Variants in FHIP2A observed in about 807,000 individuals in gnomAD.
FHIP2A encodes the protein FHF complex subunit HOOK interacting protein 2A.
A neutral mutation model predicts 93.5 loss-of-function variants in FHIP2A; 46 were observed. The ratio of observed to expected loss-of-function variants is 0.49; its 90% CI spans 0.39 to 0.63. The LOEUF is 0.63. Among genes scored for constraint, FHIP2A ranks in the 20% least tolerant of loss-of-function variants. The pLI is 0.00. For synonymous variants in FHIP2A, 332 were observed against 326.5 expected (o/e 1.02, Z -0.18); for missense variants, 769 against 909.7 (o/e 0.85, Z 1.99).
chr10:114,862,312 T>C lies in FHIP2A; in HGVS notation c.*772T>C. 1 of 987,554 alleles carries C rather than the reference T, an allele frequency of 1.0e-6. No homozygotes were observed. The highest frequency in any genetic ancestry group is 1.2e-6 in the Non-Finnish European group (1 of 830,084). 61.2% of individuals were successfully genotyped at this position (987,554 alleles called of 1,614,324 possible). ...CACCATTGGTAGTGTTTGCTAAAAT[T>C]GTATTTTTTTAAGCTAAGTAACATG... On this transcript the variant is annotated 3_prime_UTR_variant, in exon 17 of 17. Coordinates refer to ENST00000369248, the MANE Select transcript of FHIP2A (RefSeq NM_020940.4).
intron 1 of FHIP2A, among the ~76,000 whole-genome samples, chr10:114,822,586 T>TGGTTTTTGGTCTTGG (rs1424923190): frequency 6.6e-6 from 1 of 152,192 alleles, no homozygotes; most frequent in Non-Finnish European, 1.5e-5. Flanking sequence ...GGCTTGGTTC[T>TGGTTTTTGGTCTTGG]GTTTTGTTTT....
Position 114,843,895 on chromosome 10 carries a change from T to C in FHIP2A, c.971T>C (p.Val324Ala), listed in dbSNP as rs1480697843. 1 of 1,592,354 alleles carries C rather than the reference T, an allele frequency of 6.3e-7. No homozygotes were observed. The highest frequency in any genetic ancestry group is 1.9e-5 in the Admixed American group (1 of 52,310). The change falls in exon 7 of 17, where the codon GTG (valine) becomes GCG (alanine). Residue 324 changes from valine to alanine, a missense_variant. Physicochemically the swap from Val to Ala is moderately conservative, Grantham distance 64 (BLOSUM62 0). Coordinates refer to ENST00000369248, the MANE Select transcript of FHIP2A (RefSeq NM_020940.4). ...CTGTACAAGGCCCTACCTCAGTCAG[T>C]GGATCCGTTAGATATTGAAACCGTG... ...ASLYKALPQSVDPLDIETVEA... is the reference protein window; with the variant it reads ...ASLYKALPQSADPLDIETVEA...
rs200713463 is a variant in FHIP2A, at chr10:114,830,903, A to G, written c.97A>G (p.Ile33Val). ...QEDFVYHWKAITHYYIETSDD... is the reference protein window; with the variant it reads ...QEDFVYHWKAVTHYYIETSDD... ...AGATTTTGTTTATCACTGGAAGGCA[A>G]TTACCCATTACTACATAGAGACTTC... The change falls in exon 2 of 17, where the codon ATT (isoleucine) becomes GTT (valine). Residue 33 changes from isoleucine (I) to valine (V), a missense_variant. Coordinates refer to ENST00000369248, the MANE Select transcript of FHIP2A (RefSeq NM_020940.4). 1.9e-6 allele frequency: 3 copies of G among 1,608,268 alleles called. No homozygotes were observed. The highest frequency in any genetic ancestry group is 4.5e-5 in the East Asian group (2 of 44,678).
chr10:114,884,963 T>A (rs1190983942), intron 16 of FHIP2A, among the ~76,000 whole-genome samples: 1 of 151,150 alleles, frequency 6.6e-6, no homozygotes, highest in Non-Finnish European at 1.5e-5. Flanking sequence ...GTATCTGATA[T>A]TCAGGGTAAG....
Position 114,821,966 on chromosome 10 carries a change from C to T in FHIP2A, c.-113C>T. The T allele has an allele frequency of 3.6e-6, 2 of 561,178 alleles. No homozygotes were observed. Among genetic ancestry groups the T allele is most frequent in the South Asian group, 8.0e-5 (1 of 12,466 alleles). The allele number at this position is 561,178 out of a possible 1,614,324, so 34.8% of individuals were successfully genotyped here. On this transcript the variant is annotated 5_prime_UTR_variant, in exon 1 of 17. Coordinates refer to ENST00000369248, the MANE Select transcript of FHIP2A (RefSeq NM_020940.4). Reference sequence around the variant, plus strand: ...CGATCCTCAGCTCGTCCTCCCCGCCCCGCACCGGCCTTCACTCTGGAGCGG... The same window carrying T: ...CGATCCTCAGCTCGTCCTCCCCGCCTCGCACCGGCCTTCACTCTGGAGCGG...
intron 16 of FHIP2A, among the ~76,000 whole-genome samples, chr10:114,872,361 G>A (rs775040903): frequency 6.6e-6 from 1 of 152,172 alleles, no homozygotes; most frequent in Non-Finnish European, 1.5e-5. Context: ...TTTCTCATAA[G>A]AGTCAGGGAA....
chr10:114,880,282 T>C (rs921870036), intron 16 of FHIP2A, among the ~76,000 whole-genome samples: 3 of 152,172 alleles, frequency 2.0e-5, no homozygotes, highest in African/African-American at 7.2e-5. Flanking sequence ...TCTGAAATTA[T>C]AGAGATGGAA....
At position 114,822,091 on chromosome 10, in the gene FHIP2A, T is replaced by G. The variant is rs781106796; in HGVS notation, c.13T>G (p.Phe5Val). The G allele has an allele frequency of 1.0e-5, 14 of 1,341,666 alleles. No homozygotes were observed. Among genetic ancestry groups the G allele is most frequent in the African/African-American group, 1.5e-5 (1 of 66,222 alleles). The allele number at this position is 1,341,666 out of a possible 1,614,324, so 83.1% of individuals were successfully genotyped here. A position where few individuals can be genotyped will look rare whatever the true frequency, so the allele number is the denominator to read the frequency against. Residue 5 changes from phenylalanine (F) to valine (V), a missense_variant, in exon 1 of 17, where the codon TTC (phenylalanine) becomes GTC (valine). Transcript: ENST00000369248. ...GTCCCGGGACAGGATGTTCTCCAAG[T>G]TCACCTCCATCCTGCAGCACGCCGT... is the stretch of plus-strand genomic sequence containing the variant. MFSKFTSILQHAVEA... is the reference protein window; with the variant it reads MFSKVTSILQHAVEA...
chr10:114,869,962 CATT>C (rs745534842), intron 16 of FHIP2A, among the ~76,000 whole-genome samples: 70 of 152,204 alleles, frequency 4.6e-4, no homozygotes, highest in African/African-American at 1.7e-3. Context: ...TAGTGTTGCT[CATT>C]ATCATTTTCA....
At chr10:114,824,303 G>A (rs918024294) in intron 1 of FHIP2A, among the ~76,000 whole-genome samples, 13 of 152,048 alleles carry the variant, frequency 8.5e-5, no homozygotes, top group African/African-American at 2.2e-4. Context: ...ATTTTTATCC[G>A]GAGGCCTGTG....
rs894651663 is a variant in FHIP2A at position 114,821,968 on chromosome 10, G to T, written c.-111G>T. ...ATCCTCAGCTCGTCCTCCCCGCCCC[G>T]CACCGGCCTTCACTCTGGAGCGGCC... On this transcript the variant is annotated 5_prime_UTR_variant, in exon 1 of 17. Coordinates refer to ENST00000369248, the MANE Select transcript of FHIP2A (RefSeq NM_020940.4). The T allele has an allele frequency of 3.5e-6, 2 of 570,584 alleles. No individual in the cohort carries two copies. The highest frequency in any genetic ancestry group is 2.0e-5 in the African/African-American group (1 of 49,906). 35.3% of individuals were successfully genotyped at this position (570,584 alleles called of 1,614,324 possible).
At position 114,862,815 on chromosome 10, in the gene FHIP2A, A is replaced by G. The variant is rs1592026858; in HGVS notation, c.*1275A>G. On this transcript the variant is annotated 3_prime_UTR_variant, in exon 17 of 17. Coordinates refer to ENST00000369248, the MANE Select transcript of FHIP2A (RefSeq NM_020940.4). ...GTTAAGCCGCAGCACTTTCTTCTTCATCTTTCCATTTACTGATATTTGGGG... is the reference window on the plus strand; with the variant it reads ...GTTAAGCCGCAGCACTTTCTTCTTCGTCTTTCCATTTACTGATATTTGGGG... The G allele has an allele frequency of 4.1e-6, 4 of 985,356 alleles. No homozygotes were observed. Among genetic ancestry groups the G allele is most frequent in the Non-Finnish European group, 4.8e-6 (4 of 829,900 alleles). The allele number at this position is 985,356 out of a possible 1,614,324, so 61.0% of individuals were successfully genotyped here. A position where few individuals can be genotyped will look rare whatever the true frequency, so the allele number is the denominator to read the frequency against.
chr10:114,885,999 TGGAA>T (rs2083941090), intron 16 of FHIP2A, among the ~76,000 whole-genome samples: 1 of 152,116 alleles, frequency 6.6e-6, no homozygotes, highest in East Asian at 1.9e-4. Context: ...GCTTCTCAGG[TGGAA>T]GATCACAACC....
At position 114,861,211 on chromosome 10, in the gene FHIP2A, G is replaced by A. The variant is rs765071648; in HGVS notation, c.2089-20G>A. 2.5e-6 allele frequency: 4 copies of A among 1,613,442 alleles called. No individual in the cohort carries two copies. The South Asian group carries it at 3.3e-5, about 13-fold the overall frequency. ...TGTAGCTGATTTCAGGAACTGAAGT[G>A]CCTTGCCTCTGTGATGCAGGTTGTT... is the stretch of plus-strand genomic sequence containing the variant. On this transcript the variant is annotated intron_variant, in intron 15 of 16. Transcript: ENST00000369248.
At chr10:114,889,681 G>A (rs11196964) in intron 16 of FHIP2A, among the ~76,000 whole-genome samples, 17,647 of 152,208 alleles carry the variant, frequency 0.12, 1,180 homozygotes, top group East Asian at 0.2. Context: ...GGCTGACCCT[G>A]ACCTGCAGTG....
At chr10:114,834,260 TTA>T (rs1245250946) in intron 3 of FHIP2A, among the ~76,000 whole-genome samples, 2 of 152,190 alleles carry the variant, frequency 1.3e-5, no homozygotes, top group African/African-American at 4.8e-5. Flanking sequence ...TTCACTCAAT[TTA>T]TGTTTTTTAG....
chr10:114,874,799 C>T (rs956160676), intron 16 of FHIP2A, among the ~76,000 whole-genome samples: 2 of 152,112 alleles, frequency 1.3e-5, no homozygotes, highest in Non-Finnish European at 2.9e-5. Flanking sequence ...CCATCGCGCC[C>T]GGCCGGAATT....
intron 16 of FHIP2A, among the ~76,000 whole-genome samples, chr10:114,882,112 T>G (rs753122148): frequency 9.4e-4 from 143 of 152,352 alleles, no homozygotes; most frequent in Non-Finnish European, 3.7e-4. Flanking sequence ...AGCATAAGTC[T>G]GCTTACTCAC....
At chr10:114,888,504 A>C (rs1480466997) in intron 16 of FHIP2A, among the ~76,000 whole-genome samples, 1 of 152,220 alleles carries the variant, frequency 6.6e-6, no homozygotes, top group Non-Finnish European at 1.5e-5. Flanking sequence ...ACTCCCAAGA[A>C]CTGCAAAGTG....
Sources: allele counts gnomAD v4.1 joint callset (sites outside exome capture counted in the v4.1 genomes callset), GRCh38; gene constraint gnomAD v4.1.1; transcripts MANE v1.5; gene names NCBI Gene and HGNC (gene_info 2026-07-23, HGNC 2026-07-21).